SETD4: variants seen among roughly 807,000 people sequenced by gnomAD.
SETD4 encodes SET domain-containing protein 4.
Under a neutral mutation model 58.3 loss-of-function variants are expected in SETD4, and 46 were observed. The ratio of observed to expected loss-of-function variants is 0.79; its 90% CI spans 0.62 to 1.01. The LOEUF (loss-of-function observed/expected upper bound fraction) is 1.01. Among genes scored for constraint, SETD4 ranks in the 50% least tolerant of loss-of-function variants. The probability of loss-of-function intolerance (pLI) is 0.00; values close to 1 mark genes in which losing one functional copy is unlikely to be tolerated. For missense variants in SETD4, 490 were observed against 523.3 expected (o/e 0.94, Z 0.62); for synonymous variants, 190 against 202.6 (o/e 0.94, Z 0.53).
At chr21:36,050,494 G>A (rs899320337) in intron 4 of SETD4, 46 of 1,613,258 alleles carry the variant, frequency 2.9e-5, no homozygotes, top group Admixed American at 6.7e-5. Context: ...ACTGTTTTGC[G>A]CCATCTAGAG....
At chr21:36,046,661 A>T (rs1381674004) in intron 5 of SETD4, among the ~76,000 whole-genome samples, 2 of 152,204 alleles carry the variant, frequency 1.3e-5, no homozygotes, top group African/African-American at 4.8e-5. Flanking sequence ...CAGTTGTTGC[A>T]GTTCTAAAGC....
intron 4 of SETD4, chr21:36,050,741 C>T (rs2064634138): frequency 1.2e-6 from 2 of 1,612,402 alleles, no homozygotes; most frequent in Non-Finnish European, 8.5e-7. Context: ...GAGATAAGCA[C>T]CATTTGGCTG....
chr21:36,058,992 C>A (rs575668617), intron 1 of SETD4, 68 bp from the exon 2 acceptor site: 6 of 1,422,228 alleles, frequency 4.2e-6, no homozygotes, highest in Non-Finnish European at 5.6e-6. Flanking sequence ...AAAAACATTT[C>A]TTTGATTTAC....
intron 3 of SETD4, among the ~76,000 whole-genome samples, chr21:36,055,584 G>GTTCATACATT (rs1257746817): frequency 6.6e-6 from 1 of 152,154 alleles, no homozygotes; most frequent in Non-Finnish European, 1.5e-5. Flanking sequence ...ATTCCCCAGA[G>GTTCATACATT]TTCATACATT....
In SETD4 at chr21:36,057,143, A is replaced by C; in HGVS notation, c.135T>G (p.Phe45Leu). 4 of 1,614,194 alleles carry C rather than the reference A, an allele frequency of 2.5e-6. No homozygotes were observed. Among genetic ancestry groups the C allele is most frequent in the Non-Finnish European group, 8.5e-7 (1 of 1,180,024 alleles). Reference sequence around the variant, plus strand: ...AAGCAGGCGCTAAGTTTGAATCTTGAAACTTCCTAGCTTTCAGCCACTTCC... The same window carrying C: ...AAGCAGGCGCTAAGTTTGAATCTTGCAACTTCCTAGCTTTCAGCCACTTCC... The part of the protein sequence containing the change: ...ELRKWLKARK[F>L]QDSNLAPACF... Residue 45 changes from phenylalanine to leucine, a missense_variant, in exon 3 of 12, where the codon TTT becomes TTG. Physicochemically the swap from Phe to Leu is conservative, Grantham distance 22. Transcript: ENST00000332131.
In SETD4 at chr21:36,036,261, ATTTT is replaced by A. The variant is rs953847243; in HGVS notation, c.1189-14_1189-11del. 2 of 1,576,222 alleles carry A rather than the reference ATTTT, an allele frequency of 1.3e-6. No homozygotes were observed. The highest frequency in any genetic ancestry group is 2.8e-5 in the African/African-American group (2 of 72,444). On this transcript the variant is annotated splice_polypyrimidine_tract_variant and intron_variant, in intron 10 of 11. Coordinates refer to ENST00000332131, the MANE Select transcript of SETD4 (RefSeq NM_017438.5). ...CCTTCATATGAGACACCTGAAAGTT[ATTTT>A]TTAATTATTGTTATTGTAGTAAAAC...
At chr21:36,044,559 T>G (rs1378518792) in intron 6 of SETD4, among the ~76,000 whole-genome samples, 1 of 152,216 alleles carries the variant, frequency 6.6e-6, no homozygotes, top group African/African-American at 2.4e-5. Flanking sequence ...TACACACTCC[T>G]GATATTATTT....
intron 1 of SETD4, chr21:36,060,141 G>C: frequency 2.0e-6 from 2 of 985,286 alleles, no homozygotes; most frequent in Non-Finnish European, 2.4e-6. Context: ...TACGCAGCGC[G>C]CCGGAGCAAC....
At chr21:36,038,083 C>T (rs1213906242) in intron 10 of SETD4, 67 bp downstream of exon 10, 2 of 1,535,094 alleles carry the variant, frequency 1.3e-6, no homozygotes, top group African/African-American at 1.4e-5. Flanking sequence ...TCCCTAATAA[C>T]ATGTACAAAA....
chr21:36,054,554 T>C (rs565804436), intron 3 of SETD4, among the ~76,000 whole-genome samples: 27 of 152,232 alleles, frequency 1.8e-4, no homozygotes, highest in Non-Finnish European at 3.2e-4. Context: ...AAGTCCTCCA[T>C]CAGTTTCCCG....
chr21:36,053,788 AGAAAATGTCTT>A (rs2064843845), intron 3 of SETD4, among the ~76,000 whole-genome samples, 168 bp from the exon 4 acceptor site: 1 of 152,214 alleles, frequency 6.6e-6, no homozygotes. Context: ...AAGCTATTCC[AGAAAATGTCTT>A]GACCTCCAGT....
rs570582097 is a variant in SETD4 at position 36,051,593 on chromosome 21, G to A, written c.207+1990C>T. Among the ~76,000 whole-genome samples, 76 of 152,056 alleles carry A rather than the reference G, an allele frequency of 5.0e-4. 1 individual carries two copies. The highest frequency in any genetic ancestry group is 3.4e-3 in the Middle Eastern group (1 of 294). On this transcript the variant is annotated intron_variant, in intron 4 of 11. Coordinates refer to ENST00000332131, the MANE Select transcript of SETD4 (RefSeq NM_017438.5). ...TCCTACAGAGAGGCAGAATAGGTGGGGTATAGAAAAATGTCAGGCTGTCAG... is the reference window on the plus strand; with the variant it reads ...TCCTACAGAGAGGCAGAATAGGTGGAGTATAGAAAAATGTCAGGCTGTCAG...
In SETD4 at chr21:36,038,270, T is replaced by C; in HGVS notation, c.1068A>G (p.Thr356=). The C allele has an allele frequency of 1.2e-6, 2 of 1,610,714 alleles. No homozygotes were observed. Among genetic ancestry groups the C allele is most frequent in the Non-Finnish European group, 1.7e-6 (2 of 1,179,218 alleles). Residue 356 remains threonine (T), a synonymous_variant, in exon 10 of 12, where the codon ACA becomes ACG. Transcript: ENST00000332131. Reference sequence around the variant, plus strand: ...CCCCAAGAAGTACTTTTTTCCAGCATGTACTAGAACCAAAATGTTCCATGA... The same window carrying C: ...CCCCAAGAAGTACTTTTTTCCAGCACGTACTAGAACCAAAATGTTCCATGA... ...KLLCLEAEKF[T]CWKKVLLGEV... is the part of the protein sequence containing the mutation.
chr21:36,046,609 T>C (rs2064343279), intron 5 of SETD4, among the ~76,000 whole-genome samples: 1 of 152,240 alleles, frequency 6.6e-6, no homozygotes, highest in Non-Finnish European at 1.5e-5. Context: ...AAAGCTCTAT[T>C]GGAGGGCACC....
At chr21:36,055,429 T>TAGTAG (rs2064941120) in intron 3 of SETD4, among the ~76,000 whole-genome samples, 2 of 152,276 alleles carry the variant, frequency 1.3e-5, no homozygotes, top group African/African-American at 4.8e-5. Context: ...CTATCATCAA[T>TAGTAG]CTACATGGGA....
At chr21:36,058,705 G>A (rs530762788) in intron 2 of SETD4, 111 bp downstream of exon 2, 26 of 1,264,688 alleles carry the variant, frequency 2.1e-5, no homozygotes, top group Admixed American at 1.0e-4. Flanking sequence ...GTGACAGAGC[G>A]AGAATCCGTC....
chr21:36,048,355 G>A lies in SETD4; in HGVS notation c.249C>T (p.Leu83=). 1.9e-6 allele frequency: 3 copies of A among 1,614,134 alleles called. No homozygotes were observed. Among genetic ancestry groups the A allele is most frequent in the Middle Eastern group, 1.6e-4 (1 of 6,062 alleles). ...AGCTTCGAATCACTGTGTCCGTGGT[G>A]AGCAGGCAACTCTCAGGCAACGAAA... The part of the protein sequence containing the change: ...MIISLPESCL[L]TTDTVIRSYL... The change falls in exon 5 of 12, where the codon CTC becomes CTT. Residue 83 remains leucine, a synonymous_variant. Coordinates refer to ENST00000332131, the MANE Select transcript of SETD4 (RefSeq NM_017438.5).
At chr21:36,047,834 C>CAAAA (rs34827028) in intron 5 of SETD4, among the ~76,000 whole-genome samples, 37 of 70,902 alleles carry the variant, frequency 5.2e-4, no homozygotes, top group African/African-American at 1.7e-3. Context: ...ACTAAAAATA[C>CAAAA]AAAAAAAAAA....
intron 3 of SETD4, among the ~76,000 whole-genome samples, chr21:36,054,100 C>A (rs1045985261): frequency 6.6e-6 from 1 of 152,198 alleles, no homozygotes; most frequent in Non-Finnish European, 1.5e-5. Context: ...ACAAAGCCTG[C>A]AGACATCCTC....
Sources: gnomAD v4.1 joint callset for allele counts (sites outside exome capture counted in the v4.1 genomes callset) on GRCh38, gnomAD v4.1.1 for gene constraint, MANE v1.5 for transcripts, NCBI Gene and HGNC (gene_info 2026-07-23, HGNC 2026-07-21) for gene names.